Variants in VPS50 observed in about 807,000 individuals in gnomAD.
The protein encoded by VPS50 is syndetin.
VPS50 carries 70 observed loss-of-function variants against 139.7 expected under a neutral mutation model. That is an observed-to-expected ratio of 0.50 (90% CI 0.41 to 0.61). The LOEUF (loss-of-function observed/expected upper bound fraction) is 0.61. Ranked by LOEUF, VPS50 falls within the 20% of genes least tolerant of loss-of-function variation. The pLI, the probability that VPS50 is intolerant of heterozygous loss-of-function variation, is 0.00. For synonymous variants in VPS50, 365 were observed against 376.7 expected, an observed-to-expected ratio of 0.97 and a Z score of 0.36; for missense variants, 921 against 1,133.7, an observed-to-expected ratio of 0.81 and a Z score of 2.69.
intron 20 of VPS50, among the ~76,000 whole-genome samples, chr7:93,314,973 C>T (rs1357082685): frequency 6.6e-6 from 1 of 151,968 alleles, no homozygotes; most frequent in Non-Finnish European, 1.5e-5. Flanking sequence ...ATTAAAATAC[C>T]CCAAGGTATA....
At position 93,353,662 on chromosome 7, in the gene VPS50, G is replaced by A; in HGVS notation, c.2486G>A (p.Arg829Lys). The A allele has an allele frequency of 6.2e-7, 1 of 1,612,812 alleles. No homozygotes were observed. The highest frequency in any genetic ancestry group is 1.3e-5 in the African/African-American group (1 of 74,956). ...LLKEFEQFNR[R>K]LNEVSKRVRI... ...TAGGAATTTGAGCAGTTTAACAGGA[G>A]GCTAAATGAAGTTTCTAAGAGAGTT... The change falls in exon 26 of 28, where the codon AGG becomes AAG. Residue 829 changes from arginine (R) to lysine (K), a missense_variant. Arg to Lys is a conservative substitution (Grantham distance 26, BLOSUM62 2). Transcript: ENST00000305866.
intron 1 of VPS50, 31 bp from the exon 2 acceptor site, chr7:93,239,834 TA>T: frequency 7.7e-7 from 1 of 1,292,762 alleles, no homozygotes; most frequent in Non-Finnish European, 1.1e-6. Context: ...TCAGCATGAT[TA>T]AAATTTTCCT....
At chr7:93,318,047 TTC>T (rs1365888731) in intron 20 of VPS50, among the ~76,000 whole-genome samples, 1 of 151,190 alleles carries the variant, frequency 6.6e-6, no homozygotes, top group Non-Finnish European at 1.5e-5. Context: ...ATTCTAGTAT[TTC>T]TGTTTATAAT....
intron 12 of VPS50, 187 bp downstream of exon 12, chr7:93,276,492 G>T: frequency 3.3e-6 from 3 of 917,270 alleles, no homozygotes; most frequent in Non-Finnish European, 4.5e-6. Flanking sequence ...CACACAAATG[G>T]TAAAGGTTAC....
chr7:93,280,453 C>T (rs1796290555), intron 12 of VPS50, among the ~76,000 whole-genome samples: 2 of 152,036 alleles, frequency 1.3e-5, no homozygotes, highest in South Asian at 4.1e-4. Context: ...ATAAAGGACT[C>T]ATAGTAGTAC....
At chr7:93,330,145 G>A (rs1486885758) in intron 21 of VPS50, among the ~76,000 whole-genome samples, 1 of 152,176 alleles carries the variant, frequency 6.6e-6, no homozygotes, top group Non-Finnish European at 1.5e-5. Flanking sequence ...GGGTTATGAT[G>A]TATAAGATTG....
intron 11 of VPS50, 21 bp downstream of exon 11, chr7:93,272,754 T>G (rs767137826): frequency 3.5e-6 from 4 of 1,142,928 alleles, no homozygotes; most frequent in Non-Finnish European, 3.9e-6. Flanking sequence ...AAAGGATGTT[T>G]GGATTTTTCC....
At position 93,358,254 on chromosome 7, in the gene VPS50, T is replaced by C. The variant is rs903861894; in HGVS notation, c.2776-63T>C. 16 of 1,488,706 alleles carry C rather than the reference T, an allele frequency of 1.1e-5. No homozygotes were observed. In the East Asian group the frequency reaches 1.6e-4, roughly 15 times the overall value. The allele number at this position is 1,488,706 out of a possible 1,614,324, so 92.2% of individuals were successfully genotyped here. A position where few individuals can be genotyped will look rare whatever the true frequency, so the allele number is the denominator to read the frequency against. ...GCACCTGAATATCCGCCTGTTCTTTTGTTGCACTGATCAGATACATTCCTT... is the reference window on the plus strand; with the variant it reads ...GCACCTGAATATCCGCCTGTTCTTTCGTTGCACTGATCAGATACATTCCTT... On this transcript the variant is annotated intron_variant, in intron 27 of 27. Transcript: ENST00000305866.
At chr7:93,272,059 T>C (rs1437613689) in intron 10 of VPS50, among the ~76,000 whole-genome samples, 2 of 151,794 alleles carry the variant, frequency 1.3e-5, no homozygotes, top group Non-Finnish European at 1.5e-5. Context: ...GGCTTTCTTT[T>C]GAGAGCCCAG....
chr7:93,280,380 A>T (rs886981356), intron 12 of VPS50, among the ~76,000 whole-genome samples: 1 of 152,178 alleles, frequency 6.6e-6, no homozygotes, highest in South Asian at 2.1e-4. Flanking sequence ...ATAAATCGCT[A>T]AAACTTAGCA....
chr7:93,246,827 A>C (rs1795170336), intron 2 of VPS50, among the ~76,000 whole-genome samples: 1 of 151,772 alleles, frequency 6.6e-6, no homozygotes, highest in Non-Finnish European at 1.5e-5. Flanking sequence ...TTTTTTGGTA[A>C]AGTTATAGCC....
rs186579467 is a variant in VPS50 at position 93,341,830 on chromosome 7, G to A, written c.2207+255G>A. 1.8e-4 allele frequency among the ~76,000 whole-genome samples: 27 copies of A among 152,310 alleles called. No homozygotes were observed. The East Asian group carries it at 3.5e-3, about 20-fold the overall frequency. ...TTTAACAACATGATCCATGCTTTAA[G>A]TACAACTTTAAAAAGCATTATACTA... On this transcript the variant is annotated intron_variant, in intron 23 of 27. Transcript: ENST00000305866.
intron 25 of VPS50, among the ~76,000 whole-genome samples, chr7:93,353,016 A>T (rs1441876547): frequency 1.3e-5 from 2 of 152,144 alleles, no homozygotes; most frequent in Admixed American, 6.6e-5. Context: ...AGCATTTCAG[A>T]ATTCTGGTTT....
At position 93,360,465 on chromosome 7, in the gene VPS50, AAACAGT is replaced by A. The variant is rs2117106366; in HGVS notation, c.*2035_*2040del. ...GCTTAATAAGTGCTAGCTAGCATCA[AAACAGT>A]AACAGGAGGTTTGAGTCATGAAGTT... On this transcript the variant is annotated 3_prime_UTR_variant, in exon 28 of 28. Transcript: ENST00000305866. 1 of 150,956 alleles carries A rather than the reference AAACAGT, an allele frequency of 6.6e-6. No individual in the cohort carries two copies. Among genetic ancestry groups the A allele is most frequent in the East Asian group, 1.9e-4 (1 of 5,154 alleles). The allele number at this position is 150,956 out of a possible 1,614,324, so 9.4% of individuals were successfully genotyped here. A position where few individuals can be genotyped will look rare whatever the true frequency, so the allele number is the denominator to read the frequency against.
At chr7:93,308,774 C>T (rs771564017) in intron 18 of VPS50, 50 bp from the exon 19 acceptor site, 12 of 955,488 alleles carry the variant, frequency 1.3e-5, no homozygotes, top group African/African-American at 4.9e-5. Flanking sequence ...AGACACCCCA[C>T]GAAAAGAGGC....
chr7:93,235,848 C>T lies in VPS50; in HGVS notation c.33+3348C>T, dbSNP rs1794782876. On this transcript the variant is annotated intron_variant, in intron 1 of 27. Coordinates refer to ENST00000305866, the MANE Select transcript of VPS50 (RefSeq NM_017667.4). ...GGGCGAATCCAGGGTATAGCTGAAA[C>T]TCTGGGAGTTACAAACATGTAGATT... Among the ~76,000 whole-genome samples, 5 of 152,254 alleles carry T rather than the reference C, an allele frequency of 3.3e-5. No individual in the cohort carries two copies. In the South Asian group the frequency reaches 1.0e-3, roughly 32 times the overall value.
At chr7:93,288,128 G>C (rs1412101602) in intron 12 of VPS50, among the ~76,000 whole-genome samples, 1 of 152,026 alleles carries the variant, frequency 6.6e-6, no homozygotes, top group Admixed American at 6.6e-5. Flanking sequence ...GATCTCATGA[G>C]ACTTATTCAC....
intron 23 of VPS50, among the ~76,000 whole-genome samples, chr7:93,348,153 A>G (rs1410256748): frequency 6.6e-6 from 1 of 152,220 alleles, no homozygotes; most frequent in Non-Finnish European, 1.5e-5. Flanking sequence ...GCCTGGATGC[A>G]GTGCAACTGC....
At chr7:93,311,402 A>C in intron 20 of VPS50, 130 bp downstream of exon 20, 2 of 556,564 alleles carry the variant, frequency 3.6e-6, no homozygotes, top group South Asian at 5.4e-5. Context: ...AGGTTATCAT[A>C]TGTCAATGCT....
Sources: gnomAD v4.1 joint callset for allele counts (sites outside exome capture counted in the v4.1 genomes callset) on GRCh38, gnomAD v4.1.1 for gene constraint, MANE v1.5 for transcripts, NCBI Gene and HGNC (gene_info 2026-07-23, HGNC 2026-07-21) for gene names.